Variants in SAV1 observed in about 807,000 individuals in gnomAD.
SAV1 encodes the protein protein salvador homolog 1.
A neutral mutation model predicts 47.3 loss-of-function variants in SAV1; 23 were observed. That is an observed-to-expected ratio of 0.49 (90% confidence interval 0.35 to 0.69). The LOEUF (loss-of-function observed/expected upper bound fraction) is 0.69, where lower values mean the gene tolerates loss of function less well. Ranked by LOEUF, SAV1 falls within the 30% of genes least tolerant of loss-of-function variation. The probability of loss-of-function intolerance (pLI) is 0.01; values close to 1 mark genes in which losing one functional copy is unlikely to be tolerated. For missense variants in SAV1, 448 were observed against 457.4 expected (o/e 0.98, Z 0.19); for synonymous variants, 155 against 159.2 (o/e 0.97, Z 0.20).
Position 50,634,018 on chromosome 14 carries a change from AAT to A in SAV1, c.*1163_*1164del. 1.1e-5 allele frequency: 3 copies of A among 263,912 alleles called. No individual in the cohort carries two copies. Among genetic ancestry groups the A allele is most frequent in the Non-Finnish European group, 2.4e-5 (3 of 124,872 alleles). The allele number at this position is 263,912 out of a possible 1,614,324, so 16.3% of individuals were successfully genotyped here. ...ATAAATACTTAGAAAATTAAAAAGT[AAT>A]AATATACATTCGATTTAATGACCAA... On this transcript the variant is annotated 3_prime_UTR_variant, in exon 5 of 5. Transcript: ENST00000324679.
At chr14:50,655,419 C>G (rs1216777770) in intron 2 of SAV1, among the ~76,000 whole-genome samples, 3 of 118,958 alleles carry the variant, frequency 2.5e-5, no homozygotes, top group Non-Finnish European at 4.9e-5. Context: ...TTATTAAAAA[C>G]AAAAGCTGCC....
intron 2 of SAV1, among the ~76,000 whole-genome samples, chr14:50,660,329 C>T (rs1251353361): frequency 4.6e-5 from 7 of 152,176 alleles, no homozygotes; most frequent in South Asian, 2.1e-4. Flanking sequence ...CCAGTCTTGG[C>T]GGTGATGACT....
intron 1 of SAV1, 64 bp from the exon 2 acceptor site, chr14:50,665,683 G>C: frequency 7.3e-7 from 1 of 1,360,954 alleles, no homozygotes; most frequent in African/African-American, 1.5e-5. Context: ...TTCGAAATTT[G>C]TTCATTTATG....
chr14:50,655,529 G>T (rs1224399027), intron 2 of SAV1, among the ~76,000 whole-genome samples: 1 of 151,064 alleles, frequency 6.6e-6, no homozygotes, highest in Non-Finnish European at 1.5e-5. Context: ...AGGTTCAAGC[G>T]ATTCTCCTGC....
chr14:50,652,050 A>C (rs941205690), intron 2 of SAV1, among the ~76,000 whole-genome samples: 1 of 152,246 alleles, frequency 6.6e-6, no homozygotes, highest in Non-Finnish European at 1.5e-5. Flanking sequence ...TTTTAAAGCT[A>C]GTTATGCTAC....
At chr14:50,641,455 T>C (rs1022967780) in intron 3 of SAV1, among the ~76,000 whole-genome samples, 1 of 151,672 alleles carries the variant, frequency 6.6e-6, no homozygotes, top group Non-Finnish European at 1.5e-5. Flanking sequence ...GTGGAGATAT[T>C]ATATGGGAAA....
chr14:50,667,800 C>T, intron 1 of SAV1, 74 bp downstream of exon 1: 3 of 1,219,140 alleles, frequency 2.5e-6, no homozygotes, highest in South Asian at 1.3e-5. Context: ...GGAGACCCGC[C>T]GGCGCCCCCG....
intron 3 of SAV1, among the ~76,000 whole-genome samples, chr14:50,641,993 T>C (rs2039683931): frequency 6.6e-6 from 1 of 151,928 alleles, no homozygotes; most frequent in Non-Finnish European, 1.5e-5. Context: ...ATAAAGAAAA[T>C]GTGGTATGCA....
chr14:50,642,484 C>T (rs2039688560), intron 3 of SAV1, among the ~76,000 whole-genome samples: 2 of 147,514 alleles, frequency 1.4e-5, no homozygotes, highest in Middle Eastern at 3.4e-3. Flanking sequence ...AGTGAAACTC[C>T]GTCTCAGAAA....
rs1421579097 is a variant in SAV1, at chr14:50,634,843, A to T, written c.*340T>A. The T allele has an allele frequency of 2.9e-4, 49 of 171,436 alleles. No individual in the cohort carries two copies. Among genetic ancestry groups the T allele is most frequent in the Admixed American group, 9.8e-4 (16 of 16,392 alleles). 10.6% of individuals were successfully genotyped at this position (171,436 alleles called of 1,614,324 possible). A position where few individuals can be genotyped will look rare whatever the true frequency, so the allele number is the denominator to read the frequency against. On this transcript the variant is annotated 3_prime_UTR_variant, in exon 5 of 5. Coordinates refer to ENST00000324679, the MANE Select transcript of SAV1 (RefSeq NM_021818.4). The stretch of plus-strand genomic sequence containing the variant: ...ATACCGCAGATTCTTTTTTTTTTTT[A>T]AAGAAGGTACTACTGCTGTAAGAAG...
At chr14:50,643,330 G>A (rs1337647751) in intron 3 of SAV1, among the ~76,000 whole-genome samples, 3 of 152,312 alleles carry the variant, frequency 2.0e-5, no homozygotes, top group South Asian at 4.1e-4. Context: ...TTGACCCACA[G>A]TTCCATAATT....
chr14:50,659,907 T>G (rs12895826), intron 2 of SAV1, among the ~76,000 whole-genome samples: 6 of 152,188 alleles, frequency 3.9e-5, no homozygotes, highest in African/African-American at 1.2e-4. Flanking sequence ...ACCCCCTTGA[T>G]AGTTTCCAGA....
chr14:50,645,685 G>A (rs1338167882), intron 2 of SAV1, among the ~76,000 whole-genome samples: 2 of 125,144 alleles, frequency 1.6e-5, no homozygotes, highest in African/African-American at 2.6e-5. Flanking sequence ...AAAGAAAAGT[G>A]GGAAAAAGAA....
intron 3 of SAV1, 65 bp from the exon 4 acceptor site, chr14:50,640,958 G>A (rs893269911): frequency 2.8e-6 from 4 of 1,443,146 alleles, no homozygotes; most frequent in Admixed American, 4.2e-5. Context: ...AAATTATAAA[G>A]AACAAATAAT....
intron 2 of SAV1, among the ~76,000 whole-genome samples, chr14:50,658,087 C>T (rs1349480611): frequency 1.3e-5 from 2 of 152,194 alleles, no homozygotes; most frequent in South Asian, 2.1e-4. Context: ...GTATTAAACT[C>T]AACCAAATGC....
chr14:50,635,330 G>A lies in SAV1; in HGVS notation c.1005C>T (p.Tyr335=), dbSNP rs2039625292. The A allele has an allele frequency of 6.2e-7, 1 of 1,614,070 alleles. No homozygotes were observed. The highest frequency in any genetic ancestry group is 8.5e-7 in the Non-Finnish European group (1 of 1,179,980). Residue 335 remains tyrosine (Y), a synonymous_variant, in exon 5 of 5, where the codon TAC becomes TAT. Coordinates refer to ENST00000324679, the MANE Select transcript of SAV1 (RefSeq NM_021818.4). ...ELFQLADLDT[Y]QGMLKLLFMK... ...TGAAGAGCAACTTTAGCATTCCCTG[G>A]TATGTATCCAGGTCAGCCAGCTGGA...
At chr14:50,656,476 C>G in intron 2 of SAV1, among the ~76,000 whole-genome samples, 1 of 135,864 alleles carries the variant, frequency 7.4e-6, no homozygotes, top group South Asian at 2.3e-4. Flanking sequence ...GAGTCTCACT[C>G]TTGTCGCCCA....
chr14:50,661,803 T>C (rs1353383582), intron 2 of SAV1, among the ~76,000 whole-genome samples: 1 of 152,264 alleles, frequency 6.6e-6, no homozygotes, highest in Non-Finnish European at 1.5e-5. Context: ...TGTGTCTTTC[T>C]ATACCAATAC....
At chr14:50,667,829 C>T (rs781670596) in intron 1 of SAV1, 45 bp downstream of exon 1, 1 of 1,569,246 alleles carries the variant, frequency 6.4e-7, no homozygotes, top group Admixed American at 1.8e-5. Context: ...CCCGGAGCAC[C>T]TGGCCGCCTG....
Sources: gnomAD v4.1 joint callset for allele counts (sites outside exome capture counted in the v4.1 genomes callset) on GRCh38, gnomAD v4.1.1 for gene constraint, MANE v1.5 for transcripts, NCBI Gene and HGNC (gene_info 2026-07-23, HGNC 2026-07-21) for gene names.